Variants in DYNC1I1 observed in about 807,000 individuals in gnomAD.
DYNC1I1 encodes the protein dynein cytoplasmic 1 intermediate chain 1.
A neutral mutation model predicts 86.6 loss-of-function variants in DYNC1I1; 43 were observed. The ratio of observed to expected loss-of-function variants is 0.50; its 90% CI spans 0.39 to 0.64. DYNC1I1 has a LOEUF of 0.64. Among genes scored for constraint, DYNC1I1 ranks in the 30% least tolerant of loss-of-function variants. The probability of loss-of-function intolerance (pLI) is 0.00; values close to 1 mark genes in which losing one functional copy is unlikely to be tolerated. For missense variants in DYNC1I1, 604 were observed against 788.8 expected, an observed-to-expected ratio of 0.77 and a Z score of 2.81; for synonymous variants, 262 against 283.7, an observed-to-expected ratio of 0.92 and a Z score of 0.77.
chr7:96,033,272 TG>T (rs772955944), intron 12 of DYNC1I1, among the ~76,000 whole-genome samples: 9 of 152,300 alleles, frequency 5.9e-5, no homozygotes, highest in Non-Finnish European at 1.2e-4. Context: ...TTTTTTAGTA[TG>T]GCTCCTGTCA....
intron 2 of DYNC1I1, among the ~76,000 whole-genome samples, chr7:95,806,434 C>T (rs1462518542): frequency 1.3e-5 from 2 of 152,150 alleles, no homozygotes; most frequent in African/African-American, 4.8e-5. Flanking sequence ...AGCACTTTTG[C>T]CTGGTGAGGA....
chr7:95,884,780 A>T (rs1357041300), intron 6 of DYNC1I1, among the ~76,000 whole-genome samples: 1 of 148,506 alleles, frequency 6.7e-6, no homozygotes, highest in Non-Finnish European at 1.5e-5. Flanking sequence ...ACGAAAAGGA[A>T]GAAAAAAAAA....
intron 5 of DYNC1I1, among the ~76,000 whole-genome samples, chr7:95,869,283 G>A (rs1218306993): frequency 6.6e-6 from 1 of 152,178 alleles, no homozygotes; most frequent in African/African-American, 2.4e-5. Context: ...GCTGTGCTAA[G>A]GCTTTATCAC....
chr7:95,788,605 C>T (rs1794210241), intron 1 of DYNC1I1, among the ~76,000 whole-genome samples: 3 of 152,160 alleles, frequency 2.0e-5, no homozygotes, highest in African/African-American at 7.2e-5. Flanking sequence ...GTCGGGACAC[C>T]TTTTCGCGGC....
intron 14 of DYNC1I1, among the ~76,000 whole-genome samples, chr7:96,068,662 G>C (rs1378655977): frequency 2.0e-5 from 3 of 152,180 alleles, no homozygotes; most frequent in Non-Finnish European, 4.4e-5. Context: ...ACTAATGTGA[G>C]ATTAGCTTTG....
intron 6 of DYNC1I1, among the ~76,000 whole-genome samples, chr7:95,965,648 C>T (rs187555519): frequency 1.3e-5 from 2 of 152,084 alleles, no homozygotes; most frequent in East Asian, 3.9e-4. Flanking sequence ...GATTTGAACT[C>T]GAGCAATATG....
chr7:95,971,696 G>A (rs1319068174), intron 6 of DYNC1I1, among the ~76,000 whole-genome samples: 1 of 152,058 alleles, frequency 6.6e-6, no homozygotes, highest in South Asian at 2.1e-4. Context: ...CATTAAAATT[G>A]ATGATGTGTT....
At chr7:96,000,524 G>A (rs1793983194) in intron 10 of DYNC1I1, among the ~76,000 whole-genome samples, 1 of 152,180 alleles carries the variant, frequency 6.6e-6, no homozygotes, top group African/African-American at 2.4e-5. Context: ...GTGCCTTTCG[G>A]AAAAGGCATA....
At chr7:95,927,860 T>TC (rs1371817686) in intron 6 of DYNC1I1, among the ~76,000 whole-genome samples, 3 of 152,128 alleles carry the variant, frequency 2.0e-5, no homozygotes, top group African/African-American at 7.2e-5. Context: ...CTTTTTTATT[T>TC]CCCCCAAAAT....
intron 1 of DYNC1I1, among the ~76,000 whole-genome samples, chr7:95,792,478 T>C (rs1276338055): frequency 6.6e-6 from 1 of 152,184 alleles, no homozygotes; most frequent in Non-Finnish European, 1.5e-5. Context: ...GGAATCTGAA[T>C]GAAGAGGCCA....
chr7:95,799,355 G>A lies in DYNC1I1; in HGVS notation c.-9-5366G>A, dbSNP rs1431993003. Among the ~76,000 whole-genome samples, 3 of 152,204 alleles carry A rather than the reference G, an allele frequency of 2.0e-5. No homozygotes were observed. In the South Asian group the frequency reaches 6.2e-4, roughly 32 times the overall value. ...GATCGGGCCACTGCACTGCAGCCTG[G>A]GTGACAGAGCAAGACTCTGTCCCAG... On this transcript the variant is annotated intron_variant, in intron 1 of 16. Coordinates refer to ENST00000447467, the MANE Select transcript of DYNC1I1 (RefSeq NM_001135556.2).
intron 16 of DYNC1I1, among the ~76,000 whole-genome samples, chr7:96,104,946 T>A (rs781386002): frequency 6.6e-6 from 1 of 152,154 alleles, no homozygotes; most frequent in Non-Finnish European, 1.5e-5. Flanking sequence ...TTTCACTGGA[T>A]CTGTATATTT....
downstream of DYNC1I1, among the ~76,000 whole-genome samples, chr7:96,099,066 G>C (rs1584321017): frequency 6.6e-6 from 1 of 152,090 alleles, no homozygotes; most frequent in East Asian, 1.9e-4. Flanking sequence ...TGAGTATCTG[G>C]AATAGGTTTA....
At chr7:95,814,766 C>G (rs867724065) in intron 4 of DYNC1I1, among the ~76,000 whole-genome samples, 2 of 151,932 alleles carry the variant, frequency 1.3e-5, no homozygotes, top group Non-Finnish European at 2.9e-5. Flanking sequence ...CCTTTGGAAA[C>G]CAGTGGACAC....
At chr7:96,110,050 A>C in exon 17 of DYNC1I1, 1 of 435,882 alleles carries the variant, frequency 2.3e-6, no homozygotes. Context: ...GGCCTCCCAA[A>C]GTGCTGGGAT....
intron 3 of DYNC1I1, among the ~76,000 whole-genome samples, chr7:95,810,755 C>T (rs1794812643): frequency 1.3e-5 from 2 of 152,050 alleles, no homozygotes; most frequent in Admixed American, 6.6e-5. Context: ...CCTTCTCCAC[C>T]GTGTTACTAG....
At chr7:95,773,378 T>C (rs1793757455) in intron 1 of DYNC1I1, among the ~76,000 whole-genome samples, 1 of 152,182 alleles carries the variant, frequency 6.6e-6, no homozygotes, top group Admixed American at 6.5e-5. Context: ...GGTAAACACC[T>C]TCACGGCCGC....
chr7:96,081,278 T>A (rs1198089814), intron 16 of DYNC1I1, among the ~76,000 whole-genome samples: 1 of 151,840 alleles, frequency 6.6e-6, no homozygotes, highest in Non-Finnish European at 1.5e-5. Flanking sequence ...TTCTAGTATG[T>A]CTTATTACAT....
At chr7:96,072,826 A>G (rs1280017166) in intron 14 of DYNC1I1, among the ~76,000 whole-genome samples, 1 of 152,232 alleles carries the variant, frequency 6.6e-6, no homozygotes, top group African/African-American at 2.4e-5. Flanking sequence ...ACATGAGTTT[A>G]CCAGTTCTAA....
Sources: gnomAD v4.1 joint callset for allele counts (sites outside exome capture counted in the v4.1 genomes callset) on GRCh38, gnomAD v4.1.1 for gene constraint, MANE v1.5 for transcripts, NCBI Gene and HGNC (gene_info 2026-07-23, HGNC 2026-07-21) for gene names.